CUBN: variants seen among roughly 807,000 people sequenced by gnomAD.
The protein encoded by CUBN is 460 kDa receptor.
CUBN carries 282 observed loss-of-function variants against 405.3 expected under a neutral mutation model. The observed-to-expected ratio is 0.70, with a 90% CI of 0.63 to 0.77. The LOEUF is 0.77. Ranked by LOEUF, CUBN falls within the 30% of genes least tolerant of loss-of-function variation. The pLI, the probability that CUBN is intolerant of heterozygous loss-of-function variation, is 0.00. For missense variants in CUBN, 4,514 were observed against 4,475.2 expected (o/e 1.01, Z -0.25); for synonymous variants, 1,684 against 1,617.0 (o/e 1.04, Z -0.99).
intron 28 of CUBN, among the ~76,000 whole-genome samples, chr10:17,006,215 G>C (rs1834021059): frequency 6.6e-6 from 1 of 152,182 alleles, no homozygotes; most frequent in South Asian, 2.1e-4. Flanking sequence ...CTGGATGGTT[G>C]GTTGAATGAA....
chr10:16,913,772 T>A, intron 48 of CUBN, 39 bp downstream of exon 48: 1 of 1,610,698 alleles, frequency 6.2e-7, no homozygotes, highest in South Asian at 1.1e-5. Context: ...ACTCTTTAAA[T>A]GATGGAATAT....
chr10:16,939,167 A>G lies in CUBN; in HGVS notation c.5549-20T>C. On this transcript the variant is annotated intron_variant, in intron 37 of 66. Transcript: ENST00000377833. ...CAAATACTAGGAGGGAAGACAGAGT[A>G]GTAAATCAGACCCACTTAGAATTGC... 6.3e-7 allele frequency: 1 copy of G among 1,593,992 alleles called. No homozygotes were observed. Among genetic ancestry groups the G allele is most frequent in the South Asian group, 1.1e-5 (1 of 90,666 alleles).
At chr10:16,882,279 G>A (rs1840683928) in intron 56 of CUBN, among the ~76,000 whole-genome samples, 1 of 152,178 alleles carries the variant, frequency 6.6e-6, no homozygotes, top group African/African-American at 2.4e-5. Flanking sequence ...TCTTAACTCT[G>A]TCTTCAACAA....
At position 16,918,653 on chromosome 10, in the gene CUBN, T is replaced by TGTG. The variant is rs1428712384; in HGVS notation, c.6966_6968dup (p.Thr2323dup). On this transcript the variant is annotated inframe_insertion, in exon 45 of 67. Transcript: ENST00000377833. The stretch of plus-strand genomic sequence containing the variant: ...AATACTTGGCCTTGAATCCCACATG[T>TGTG]GTGGGGCTGTTGTCAGATCGAAATC... 2.5e-6 allele frequency: 4 copies of TGTG among 1,613,894 alleles called. No individual in the cohort carries two copies. In the South Asian group the frequency reaches 4.4e-5, roughly 18 times the overall value.
chr10:17,063,818 T>C (rs1835553951), intron 22 of CUBN, among the ~76,000 whole-genome samples: 1 of 152,204 alleles, frequency 6.6e-6, no homozygotes, highest in African/African-American at 2.4e-5. Context: ...CAAATTAAAA[T>C]TATGTTCATA....
At chr10:17,091,264 T>C (rs1588636272) in intron 14 of CUBN, among the ~76,000 whole-genome samples, 1 of 152,174 alleles carries the variant, frequency 6.6e-6, no homozygotes, top group African/African-American at 2.4e-5. Context: ...CATTTTTAAA[T>C]GCCTAGAATT....
chr10:16,885,875 C>T (rs894758382), intron 56 of CUBN, among the ~76,000 whole-genome samples: 2 of 152,114 alleles, frequency 1.3e-5, no homozygotes. Flanking sequence ...AATAATTGTC[C>T]TAATTATAAA....
intron 59 of CUBN, among the ~76,000 whole-genome samples, chr10:16,860,711 T>C (rs1300679643): frequency 6.6e-6 from 1 of 152,268 alleles, no homozygotes; most frequent in East Asian, 1.9e-4. Context: ...TATTATTTCT[T>C]CTTCCCAAGC....
At chr10:16,839,803 C>G (rs1839285751) in intron 62 of CUBN, among the ~76,000 whole-genome samples, 1 of 151,864 alleles carries the variant, frequency 6.6e-6, no homozygotes, top group African/African-American at 2.4e-5. Context: ...ATAGCAAAGA[C>G]TTGGAACCAT....
chr10:16,933,105 T>C lies in CUBN; in HGVS notation c.6106A>G (p.Ser2036Gly). ...IESHRTCAYDSLVIRDGDNNL... is the reference protein window; with the variant it reads ...IESHRTCAYDGLVIRDGDNNL... ...TTCTCACCATCTCGTATCACAAGGC[T>C]ATCATAGGCACACGTTCGGTGAGAT... is the stretch of plus-strand genomic sequence containing the variant. Residue 2036 changes from serine (S) to glycine (G), a missense_variant, in exon 40 of 67, where the codon AGC (serine) becomes GGC (glycine). Ser to Gly is a moderately conservative substitution (Grantham distance 56). Around this residue, in one of 5 missense-constraint regions of CUBN, gnomAD observed 1,613 missense variants for 1,542.8 expected, o/e 1.05. Coordinates refer to ENST00000377833, the MANE Select transcript of CUBN (RefSeq NM_001081.4). 6.2e-7 allele frequency: 1 copy of C among 1,614,084 alleles called. No homozygotes were observed. Among genetic ancestry groups the C allele is most frequent in the Non-Finnish European group, 8.5e-7 (1 of 1,179,994 alleles).
At chr10:16,989,671 C>G (rs1361777431) in intron 29 of CUBN, among the ~76,000 whole-genome samples, 1 of 151,972 alleles carries the variant, frequency 6.6e-6, no homozygotes, top group Non-Finnish European at 1.5e-5. Flanking sequence ...TCAAGATTCT[C>G]AAAGACTGTT....
chr10:16,956,250 A>G (rs1245362525), intron 31 of CUBN, among the ~76,000 whole-genome samples: 1 of 152,124 alleles, frequency 6.6e-6, no homozygotes, highest in Admixed American at 6.5e-5. Context: ...TCTTACAATA[A>G]TAAGTTTAAA....
chr10:16,975,201 C>T (rs1349506650), intron 31 of CUBN, among the ~76,000 whole-genome samples: 7 of 152,210 alleles, frequency 4.6e-5, no homozygotes, highest in Non-Finnish European at 8.8e-5. Context: ...TACCTACCAG[C>T]CCAAACTCCT....
intron 64 of CUBN, among the ~76,000 whole-genome samples, chr10:16,832,218 C>T (rs565411930): frequency 1.4e-4 from 21 of 152,272 alleles, no homozygotes; most frequent in East Asian, 9.7e-4. Flanking sequence ...CTTACGGAAA[C>T]GTTACGCGGG....
chr10:16,847,480 T>TA (rs11353625), intron 60 of CUBN, among the ~76,000 whole-genome samples: 44 of 148,134 alleles, frequency 3.0e-4, no homozygotes, highest in East Asian at 5.9e-4. Context: ...AGACTCCAAC[T>TA]AAAAAAAAAA....
At chr10:17,006,630 C>A (rs1283561825) in intron 28 of CUBN, among the ~76,000 whole-genome samples, 1 of 152,122 alleles carries the variant, frequency 6.6e-6, no homozygotes, top group African/African-American at 2.4e-5. Context: ...CACTGCCGAC[C>A]TCATGGCGGT....
intron 27 of CUBN, among the ~76,000 whole-genome samples, chr10:17,031,650 C>T (rs578125786): frequency 6.6e-5 from 10 of 152,182 alleles, no homozygotes; most frequent in Non-Finnish European, 1.5e-4. Context: ...CATTAGCATC[C>T]CATGGTAGTC....
At chr10:16,949,941 C>G in intron 34 of CUBN, 60 bp downstream of exon 34, 1 of 1,237,100 alleles carries the variant, frequency 8.1e-7, no homozygotes, top group Non-Finnish European at 1.2e-6. Flanking sequence ...TATAAATATG[C>G]GGATCTATAA....
chr10:17,022,898 C>A (rs531729325), intron 27 of CUBN, among the ~76,000 whole-genome samples: 2 of 152,308 alleles, frequency 1.3e-5, no homozygotes, highest in African/African-American at 2.4e-5. Flanking sequence ...GTCATCATAA[C>A]CCTTATCCAA....
Sources: allele counts gnomAD v4.1 joint callset (sites outside exome capture counted in the v4.1 genomes callset), GRCh38; gene constraint gnomAD v4.1.1; regional missense constraint gnomAD v4.1.1; transcripts MANE v1.5; gene names NCBI Gene and HGNC (gene_info 2026-07-23, HGNC 2026-07-21).